The following CFAP90 variants were observed in gnomAD, a reference collection of about 807,000 sequenced individuals.
The protein encoded by CFAP90 is cilia- and flagella-associated protein 90.
the CFAP90 span, among the ~76,000 whole-genome samples, chr5:7,833,584 G>A: frequency 1.3e-5 from 2 of 151,658 alleles, no homozygotes; most frequent in Non-Finnish European, 2.9e-5. Context: ...ACAAACATAT[G>A]TACAACATAT....
the CFAP90 span, among the ~76,000 whole-genome samples, chr5:7,837,484 A>G: frequency 2.0e-5 from 3 of 152,346 alleles, no homozygotes; most frequent in East Asian, 5.8e-4. Flanking sequence ...AGGAGGATAC[A>G]GAGGTAGAAG....
the CFAP90 span, among the ~76,000 whole-genome samples, chr5:7,842,761 C>T: frequency 6.6e-6 from 1 of 152,134 alleles, no homozygotes. Context: ...CCCGTTGGTG[C>T]ACCTATGTTT....
the CFAP90 span, among the ~76,000 whole-genome samples, chr5:7,832,330 G>A: frequency 6.6e-6 from 1 of 152,004 alleles, no homozygotes; most frequent in Non-Finnish European, 1.5e-5. Flanking sequence ...AGCTCCTGCT[G>A]CTGCTGGTCC....
the CFAP90 span, among the ~76,000 whole-genome samples, chr5:7,849,229 T>G: frequency 6.6e-6 from 1 of 152,172 alleles, no homozygotes; most frequent in African/African-American, 2.4e-5. Flanking sequence ...CTTCTGTTGG[T>G]GAGGCTGTCC....
chr5:7,834,167 C>A, the CFAP90 span, among the ~76,000 whole-genome samples: 2 of 152,088 alleles, frequency 1.3e-5, no homozygotes, highest in East Asian at 3.9e-4. Context: ...ATGCGTGTTG[C>A]GTGACGTCGC....
At chr5:7,850,823 GCC>G in the CFAP90 span, 1 of 1,224,402 alleles carries the variant, frequency 8.2e-7, no homozygotes, top group African/African-American at 1.6e-5. Context: ...CAGCCGCCCA[GCC>G]GCCCAGCCGC....
At chr5:7,842,597 A>G in the CFAP90 span, among the ~76,000 whole-genome samples, 4 of 152,142 alleles carry the variant, frequency 2.6e-5, no homozygotes, top group African/African-American at 9.7e-5. Flanking sequence ...TAAAGTCCTA[A>G]AAACTCCTAG....
At chr5:7,836,272 T>C in the CFAP90 span, among the ~76,000 whole-genome samples, 1 of 152,178 alleles carries the variant, frequency 6.6e-6, no homozygotes, top group Non-Finnish European at 1.5e-5. Flanking sequence ...GTTCTCAAAT[T>C]CTCTATAATA....
the CFAP90 span, among the ~76,000 whole-genome samples, chr5:7,847,438 T>C: frequency 1.1e-5 from 1 of 89,046 alleles, no homozygotes; most frequent in Non-Finnish European, 2.4e-5. Context: ...AGTGATACAT[T>C]AGAGCAGGGG....
chr5:7,832,740 G>A, the CFAP90 span, among the ~76,000 whole-genome samples: 2 of 152,018 alleles, frequency 1.3e-5, no homozygotes, highest in African/African-American at 2.4e-5. Context: ...CACCCACCTC[G>A]GCCTCCCAAA....
At chr5:7,844,853 C>T in the CFAP90 span, among the ~76,000 whole-genome samples, 3 of 152,200 alleles carry the variant, frequency 2.0e-5, no homozygotes, top group East Asian at 5.8e-4. Context: ...AGAGGGAGGA[C>T]CTGGGGAGGC....
the CFAP90 span, chr5:7,831,641 A>G: frequency 1.9e-6 from 1 of 520,342 alleles, no homozygotes; most frequent in African/African-American, 1.9e-5. Flanking sequence ...CACATGTACT[A>G]AAGGTGTTGT....
the CFAP90 span, chr5:7,850,774 C>G: frequency 8.7e-7 from 1 of 1,155,462 alleles, no homozygotes; most frequent in South Asian, 4.3e-5. Flanking sequence ...CCCTCCGCGG[C>G]CGCCCGCCCC....
chr5:7,832,987 C>T, the CFAP90 span, among the ~76,000 whole-genome samples: 50 of 152,322 alleles, frequency 3.3e-4, 1 homozygote, highest in Middle Eastern at 6.8e-3. Flanking sequence ...ATTTCTGCTC[C>T]GCAAGACCAA....
At chr5:7,831,259 C>A in the CFAP90 span, 1 of 152,342 alleles carries the variant, frequency 6.6e-6, no homozygotes, top group Non-Finnish European at 1.5e-5. Context: ...GGCTCCTGGT[C>A]CCTACTGCAC....
At chr5:7,840,083 C>T in the CFAP90 span, among the ~76,000 whole-genome samples, 2 of 152,026 alleles carry the variant, frequency 1.3e-5, no homozygotes, top group African/African-American at 4.8e-5. Context: ...GAAATTTTGC[C>T]ATTAAAATCC....
At chr5:7,850,057 T>A in the CFAP90 span, among the ~76,000 whole-genome samples, 1 of 151,832 alleles carries the variant, frequency 6.6e-6, no homozygotes, top group African/African-American at 2.4e-5. Context: ...CGCTCCCTTC[T>A]CCGAAGAGCA....
the CFAP90 span, chr5:7,835,445 A>C: frequency 6.2e-7 from 1 of 1,606,498 alleles, no homozygotes; most frequent in Non-Finnish European, 8.5e-7. Context: ...GCAACTTCTG[A>C]TCATAATCTA....
the CFAP90 span, among the ~76,000 whole-genome samples, chr5:7,835,708 G>C: frequency 6.6e-6 from 1 of 152,152 alleles, no homozygotes; most frequent in Admixed American, 6.5e-5. Flanking sequence ...AGTTTGCTGA[G>C]AGGCCCAGTA....
Sources: allele counts gnomAD v4.1 joint callset (sites outside exome capture counted in the v4.1 genomes callset), GRCh38; gene constraint gnomAD v4.1.1; transcripts MANE v1.5; gene names NCBI Gene and HGNC (gene_info 2026-07-23, HGNC 2026-07-21).